The following GPATCH1 variants were observed in gnomAD, a reference collection of about 807,000 sequenced individuals.
GPATCH1 encodes G-patch domain containing 1.
GPATCH1 carries 73 observed loss-of-function variants against 114.9 expected under a neutral mutation model. That is an observed-to-expected ratio of 0.64 (90% CI 0.53 to 0.77). GPATCH1 has a LOEUF of 0.77. Among genes scored for constraint, GPATCH1 ranks in the 30% least tolerant of loss-of-function variants. The pLI, the probability that GPATCH1 is intolerant of heterozygous loss-of-function variation, is 0.00. For synonymous variants in GPATCH1, 391 were observed against 428.4 expected, an observed-to-expected ratio of 0.91 and a Z score of 1.08; for missense variants, 1,058 against 1,144.3, an observed-to-expected ratio of 0.92 and a Z score of 1.09.
At chr19:33,128,716 TGTGAATTCTTTGA>T (rs573558192) in intron 19 of GPATCH1, among the ~76,000 whole-genome samples, 705 of 152,290 alleles carry the variant, frequency 4.6e-3, no homozygotes, top group Non-Finnish European at 6.9e-3. Context: ...AAGGGTGTTG[TGTGAATTCTTTGA>T]GTGTCTGGCT....
Position 33,109,977 on chromosome 19 carries a change from T to G in GPATCH1, c.1546T>G (p.Tyr516Asp). The change falls in exon 11 of 20, where the codon TAC becomes GAC. Residue 516 changes from tyrosine to aspartate, a missense_variant. Around this residue, in one of 3 missense-constraint regions of GPATCH1, gnomAD observed 893 missense variants for 977.4 expected, o/e 0.91. Coordinates refer to ENST00000170564, the MANE Select transcript of GPATCH1 (RefSeq NM_018025.3). ...FAKDPEKQKR[Y>D]DEFLVHMKQG... The stretch of plus-strand genomic sequence containing the variant: ...CAAAGATCCGGAAAAGCAAAAGCGA[T>G]ACGACGAGTTCTTAGTACACATGAA... The G allele has an allele frequency of 6.2e-7, 1 of 1,613,762 alleles. No homozygotes were observed. The highest frequency in any genetic ancestry group is 8.5e-7 in the Non-Finnish European group (1 of 1,179,876).
chr19:33,105,003 A>G (rs918192762), intron 9 of GPATCH1, among the ~76,000 whole-genome samples: 2 of 152,086 alleles, frequency 1.3e-5, no homozygotes, highest in Admixed American at 6.6e-5. Context: ...AAAATCCCCA[A>G]ATTTCCCAAA....
At chr19:33,088,614 G>A (rs1216108374) in intron 2 of GPATCH1, among the ~76,000 whole-genome samples, 4 of 149,716 alleles carry the variant, frequency 2.7e-5, no homozygotes, top group Non-Finnish European at 4.4e-5. Flanking sequence ...GCCTCCAAAA[G>A]TGCTGGGATT....
chr19:33,117,719 C>T (rs1179237072), intron 15 of GPATCH1, 106 bp from the exon 16 acceptor site: 4 of 772,490 alleles, frequency 5.2e-6, no homozygotes, highest in Non-Finnish European at 9.0e-6. Flanking sequence ...TACCCATGTA[C>T]ATGAGCATAA....
rs1972786161 is a variant in GPATCH1, at chr19:33,106,500, G to A, written c.1081-195G>A. Among the ~76,000 whole-genome samples, 2 of 152,116 alleles carry A rather than the reference G, an allele frequency of 1.3e-5. 1 individual carries two copies. The highest frequency in any genetic ancestry group is 4.1e-4 in the South Asian group (2 of 4,822). ...AAATGCCTGACCACTGGAACACGGTGGCTCTTGTGACCCTCCAGGTCCAGA... is the reference window on the plus strand; with the variant it reads ...AAATGCCTGACCACTGGAACACGGTAGCTCTTGTGACCCTCCAGGTCCAGA... On this transcript the variant is annotated intron_variant, in intron 9 of 19. Coordinates refer to ENST00000170564, the MANE Select transcript of GPATCH1 (RefSeq NM_018025.3).
At chr19:33,101,667 A>G (rs1178642951) in intron 9 of GPATCH1, 93 bp downstream of exon 9, 2 of 672,144 alleles carry the variant, frequency 3.0e-6, no homozygotes, top group African/African-American at 1.8e-5. Flanking sequence ...AACAGGAAAG[A>G]TAAGTAAATT....
chr19:33,119,175 G>A, intron 17 of GPATCH1, 58 bp downstream of exon 17: 1 of 912,140 alleles, frequency 1.1e-6, no homozygotes, highest in Non-Finnish European at 1.7e-6. Context: ...GCCCTGAGAT[G>A]GGGACAGTGT....
chr19:33,106,096 G>A (rs1228291320), intron 9 of GPATCH1, among the ~76,000 whole-genome samples: 1 of 152,036 alleles, frequency 6.6e-6, no homozygotes, highest in Non-Finnish European at 1.5e-5. Flanking sequence ...TGATCCACCC[G>A]CCTTGGTCTC....
chr19:33,119,862 TTTTTATAAAAATTATAAAA>T (rs1972957420), intron 17 of GPATCH1, among the ~76,000 whole-genome samples: 2 of 148,772 alleles, frequency 1.3e-5, no homozygotes, highest in East Asian at 1.9e-4. Flanking sequence ...TCTACTATAA[TTTTTATAAAAATTATAAAA>T]TTTTATAAAA....
At chr19:33,118,836 A>G (rs976405607) in intron 16 of GPATCH1, among the ~76,000 whole-genome samples, 174 bp from the exon 17 acceptor site, 16 of 152,158 alleles carry the variant, frequency 1.1e-4, no homozygotes, top group Admixed American at 9.8e-4. Flanking sequence ...CCAGCTCTGG[A>G]GTTCACAAGG....
rs186053642 is a variant in GPATCH1 at position 33,109,557 on chromosome 19, G to C, written c.1286-160G>C. Among the ~76,000 whole-genome samples the C allele has an allele frequency of 4.4e-3, 675 of 152,086 alleles. 6 individuals carry two copies. Among genetic ancestry groups the C allele is most frequent in the African/African-American group, 0.016 (657 of 41,500 alleles). ...AAGAAGAATCTCAATTTTTATCACT[G>C]TCTAGTCCACAGGGACATATTAATA... is the stretch of plus-strand genomic sequence containing the variant. On this transcript the variant is annotated intron_variant, in intron 10 of 19. Transcript: ENST00000170564.
chr19:33,112,290 G>C (rs1355616230), intron 12 of GPATCH1, among the ~76,000 whole-genome samples, 196 bp from the exon 13 acceptor site: 1 of 152,050 alleles, frequency 6.6e-6, no homozygotes, highest in Non-Finnish European at 1.5e-5. Flanking sequence ...TAATCCCTTG[G>C]TGAGAAGATC....
chr19:33,090,489 G>T (rs1254359383), intron 2 of GPATCH1, among the ~76,000 whole-genome samples: 1 of 152,148 alleles, frequency 6.6e-6, no homozygotes, highest in Non-Finnish European at 1.5e-5. Flanking sequence ...TGTCAGCTCA[G>T]ATCTGCTTGT....
chr19:33,104,074 A>T (rs1053447262), intron 9 of GPATCH1, among the ~76,000 whole-genome samples: 1 of 152,254 alleles, frequency 6.6e-6, no homozygotes, highest in Admixed American at 6.5e-5. Context: ...TTACGCCTGT[A>T]ATCCTAGCAC....
rs538112871 is a variant in GPATCH1, at chr19:33,121,381, G to A, written c.2521+2264G>A. The stretch of plus-strand genomic sequence containing the variant: ...GTTGCCTAGGCTGGAGTGCAATGGC[G>A]CAATCTCGGCTCACCGCAACCTCCA... On this transcript the variant is annotated intron_variant, in intron 17 of 19. Coordinates refer to ENST00000170564, the MANE Select transcript of GPATCH1 (RefSeq NM_018025.3). 2.1e-4 allele frequency among the ~76,000 whole-genome samples: 31 copies of A among 147,010 alleles called. No homozygotes were observed. The East Asian group carries it at 4.3e-3, about 20-fold the overall frequency.
intron 17 of GPATCH1, among the ~76,000 whole-genome samples, chr19:33,123,973 C>A (rs1438295896): frequency 6.6e-6 from 1 of 151,974 alleles, no homozygotes; most frequent in African/African-American, 2.4e-5. Flanking sequence ...CCTGCCTCAG[C>A]CTCCTGAGTA....
chr19:33,084,072 A>C (rs1972509563), intron 1 of GPATCH1, among the ~76,000 whole-genome samples: 1 of 152,152 alleles, frequency 6.6e-6, no homozygotes, highest in Admixed American at 6.6e-5. Flanking sequence ...GGCCTCCCAA[A>C]GTGCTGGGAT....
At chr19:33,098,576 C>T (rs1488095871) in intron 8 of GPATCH1, among the ~76,000 whole-genome samples, 1 of 152,174 alleles carries the variant, frequency 6.6e-6, no homozygotes, top group Non-Finnish European at 1.5e-5. Context: ...GATGCCAGCT[C>T]TCCATTGCCC....
intron 17 of GPATCH1, among the ~76,000 whole-genome samples, chr19:33,120,567 A>AAT (rs1555721480): frequency 5.1e-5 from 7 of 136,982 alleles, no homozygotes; most frequent in Non-Finnish European, 7.9e-5. Flanking sequence ...AAAAAAAAAA[A>AAT]GGTAAAAGAG....
Sources: allele counts gnomAD v4.1 joint callset (sites outside exome capture counted in the v4.1 genomes callset), GRCh38; gene constraint gnomAD v4.1.1; regional missense constraint gnomAD v4.1.1; transcripts MANE v1.5; gene names NCBI Gene and HGNC (gene_info 2026-07-23, HGNC 2026-07-21).